The following ASIP variants were observed in gnomAD, a reference collection of about 807,000 sequenced individuals.
ASIP encodes agouti signaling protein, also known as agouti-signaling protein.
In ASIP, 11 loss-of-function variants were observed where a neutral mutation model predicts 10.3. That is an observed-to-expected ratio of 1.07 (90% CI 0.68 to 1.78). The LOEUF (loss-of-function observed/expected upper bound fraction) is 1.78. Among genes scored for constraint, ASIP ranks in the 40% most tolerant of loss-of-function variants. The probability of loss-of-function intolerance (pLI) is 0.00; values close to 1 mark genes in which losing one functional copy is unlikely to be tolerated. For synonymous variants in ASIP, 70 were observed against 70.8 expected, an observed-to-expected ratio of 0.99 and a Z score of 0.06; for missense variants, 180 against 169.2, an observed-to-expected ratio of 1.06 and a Z score of -0.35.
chr20:34,195,296 A>T (rs2122528919), intron 1 of ASIP, among the ~76,000 whole-genome samples: 1 of 152,250 alleles, frequency 6.6e-6, no homozygotes, highest in East Asian at 1.9e-4. Flanking sequence ...CCCAGGGCGT[A>T]AATGGAACCA....
At chr20:34,265,928 C>T (rs1240286556) in intron 3 of ASIP, among the ~76,000 whole-genome samples, 1 of 150,182 alleles carries the variant, frequency 6.7e-6, no homozygotes, top group African/African-American at 2.4e-5. Context: ...CTAGCCTGGG[C>T]GACAGAGCAA....
At chr20:34,212,831 G>A (rs1015991753) in intron 1 of ASIP, among the ~76,000 whole-genome samples, 31 of 152,136 alleles carry the variant, frequency 2.0e-4, no homozygotes, top group Admixed American at 2.0e-3. Context: ...GCAATCTGTA[G>A]GGGAAATACT....
At chr20:34,196,534 C>G (rs1370857406) in intron 1 of ASIP, among the ~76,000 whole-genome samples, 1 of 151,914 alleles carries the variant, frequency 6.6e-6, no homozygotes, top group Non-Finnish European at 1.5e-5. Flanking sequence ...GGAGGAGATG[C>G]GGGCGGGACG....
At chr20:34,242,714 T>C (rs2035302949) in intron 1 of ASIP, among the ~76,000 whole-genome samples, 1 of 152,278 alleles carries the variant, frequency 6.6e-6, no homozygotes, top group Non-Finnish European at 1.5e-5. Flanking sequence ...CAGCTATATC[T>C]CCTTGGTTCT....
chr20:34,211,658 T>C (rs2034975225), intron 1 of ASIP, among the ~76,000 whole-genome samples: 1 of 152,214 alleles, frequency 6.6e-6, no homozygotes, highest in Non-Finnish European at 1.5e-5. Context: ...TACGAAAAAA[T>C]GTTTTTGCTG....
intron 1 of ASIP, among the ~76,000 whole-genome samples, chr20:34,247,575 G>A (rs905506105): frequency 4.6e-5 from 7 of 151,872 alleles, no homozygotes; most frequent in African/African-American, 1.2e-4. Context: ...AGGACTACAG[G>A]CATGAGTCAC....
intron 1 of ASIP, among the ~76,000 whole-genome samples, chr20:34,235,797 G>A (rs536793938): frequency 2.1e-5 from 1 of 47,886 alleles, no homozygotes; most frequent in Non-Finnish European, 3.3e-5. Flanking sequence ...AAGAAAGAAA[G>A]AAAGAAAGAA....
chr20:34,235,944 A>AGAAG (rs748775845), intron 1 of ASIP, among the ~76,000 whole-genome samples: 2 of 119,248 alleles, frequency 1.7e-5, no homozygotes, highest in Admixed American at 7.7e-5. Context: ...GAGGGAGGGA[A>AGAAG]GAAGGAAGGA....
In ASIP at chr20:34,269,298, G is replaced by A; in HGVS notation, c.*131G>A. ...AGGTTCCAGGAGATGGGACTTCAGG[G>A]AGACCTGGCTTGGGCTAAAATCGAA... is the stretch of plus-strand genomic sequence containing the variant. On this transcript the variant is annotated 3_prime_UTR_variant, in exon 4 of 4. Transcript: ENST00000374954. 1 of 1,179,696 alleles carries A rather than the reference G, an allele frequency of 8.5e-7. No individual in the cohort carries two copies. The highest frequency in any genetic ancestry group is 2.8e-5 in the East Asian group (1 of 35,156). The allele number at this position is 1,179,696 out of a possible 1,614,324, so 73.1% of individuals were successfully genotyped here.
At chr20:34,198,370 G>A (rs1022061128) in intron 1 of ASIP, among the ~76,000 whole-genome samples, 1 of 151,922 alleles carries the variant, frequency 6.6e-6, no homozygotes, top group African/African-American at 2.4e-5. Flanking sequence ...GATTACAGGC[G>A]TGAGCCACCG....
chr20:34,195,033 G>T (rs1186843037), intron 1 of ASIP, among the ~76,000 whole-genome samples: 1 of 151,932 alleles, frequency 6.6e-6, no homozygotes, highest in Non-Finnish European at 1.5e-5. Context: ...TTTCTTGCTT[G>T]GGTGCAGAAT....
chr20:34,248,339 T>G (rs2035415016), intron 1 of ASIP, among the ~76,000 whole-genome samples: 1 of 152,204 alleles, frequency 6.6e-6, no homozygotes, highest in Non-Finnish European at 1.5e-5. Context: ...GTCTCAATTC[T>G]GGTTATATTA....
At chr20:34,256,560 C>T (rs1055580218) in intron 1 of ASIP, among the ~76,000 whole-genome samples, 1 of 152,178 alleles carries the variant, frequency 6.6e-6, no homozygotes, top group Admixed American at 6.6e-5. Context: ...CCTGTGGCTT[C>T]CTCCAGTGCT....
In ASIP at chr20:34,267,273, G is replaced by A. The variant is rs144930768; in HGVS notation, c.223-1718G>A. 2.4e-4 allele frequency among the ~76,000 whole-genome samples: 36 copies of A among 151,902 alleles called. 1 individual carries two copies. Among genetic ancestry groups the A allele is most frequent in the Middle Eastern group, 3.4e-3 (1 of 294 alleles). ...AAAGAGTGCAAAGAAATTACAGCAC[G>A]GTAATGAGACTGAAGGGAAGAGTGG... On this transcript the variant is annotated intron_variant, in intron 3 of 3. Coordinates refer to ENST00000374954, the MANE Select transcript of ASIP (RefSeq NM_001672.3).
chr20:34,241,600 T>G, intron 1 of ASIP, 111 bp downstream of exon 1: 1 of 940,604 alleles, frequency 1.1e-6, no homozygotes, highest in Non-Finnish European at 1.3e-6. Flanking sequence ...TTAAACAGAT[T>G]TTTTTGATTC....
intron 1 of ASIP, among the ~76,000 whole-genome samples, chr20:34,245,363 A>T (rs2035355533): frequency 6.6e-6 from 1 of 150,988 alleles, no homozygotes; most frequent in Non-Finnish European, 1.5e-5. Flanking sequence ...GAGAGAGACA[A>T]AGAGAAAGTC....
intron 3 of ASIP, among the ~76,000 whole-genome samples, chr20:34,266,500 C>T (rs962822161): frequency 1.3e-5 from 2 of 152,056 alleles, no homozygotes; most frequent in Non-Finnish European, 2.9e-5. Context: ...TGGTGAAACC[C>T]CGTCTCTACT....
chr20:34,208,254 G>C (rs76476364), intron 1 of ASIP, among the ~76,000 whole-genome samples: 1 of 152,082 alleles, frequency 6.6e-6, no homozygotes, highest in Non-Finnish European at 1.5e-5. Flanking sequence ...TTTTCTGTTT[G>C]ATCAGGATAG....
At chr20:34,227,757 A>C (rs1001201161) in intron 1 of ASIP, among the ~76,000 whole-genome samples, 3 of 152,230 alleles carry the variant, frequency 2.0e-5, no homozygotes, top group African/African-American at 7.2e-5. Context: ...AGTAGGTTTT[A>C]GTAGAAGTTG....
Sources: gnomAD v4.1 joint callset for allele counts (sites outside exome capture counted in the v4.1 genomes callset) on GRCh38, gnomAD v4.1.1 for gene constraint, MANE v1.5 for transcripts, NCBI Gene and HGNC (gene_info 2026-07-23, HGNC 2026-07-21) for gene names.